The following GALNTL6 variants were observed in gnomAD, a reference collection of about 807,000 sequenced individuals.
GALNTL6 encodes polypeptide N-acetylgalactosaminyltransferase like 6.
Under a neutral mutation model 73.7 loss-of-function variants are expected in GALNTL6, and 46 were observed. The ratio of observed to expected loss-of-function variants is 0.62; its 90% CI spans 0.49 to 0.80. The LOEUF (loss-of-function observed/expected upper bound fraction) is 0.80. Among genes scored for constraint, GALNTL6 ranks in the 30% least tolerant of loss-of-function variants. GALNTL6 has a pLI of 0.00. For synonymous variants in GALNTL6, 259 were observed against 263.7 expected, an observed-to-expected ratio of 0.98 and a Z score of 0.17; for missense variants, 604 against 755.0, an observed-to-expected ratio of 0.80 and a Z score of 2.34.
In GALNTL6 at chr4:172,265,367, C is replaced by G. The variant is rs370835618; in HGVS notation, c.247+35603C>G. On this transcript the variant is annotated intron_variant, in intron 3 of 12. Coordinates refer to ENST00000506823, the MANE Select transcript of GALNTL6 (RefSeq NM_001034845.3). ...AGAAGGGAGCCTTGTAATAACAACT[C>G]CAAGTTAGCTTCCAGCTTTCAAATT... 3.9e-5 allele frequency among the ~76,000 whole-genome samples: 6 copies of G among 152,152 alleles called. No homozygotes were observed. The East Asian group carries it at 1.2e-3, about 29-fold the overall frequency.
At chr4:172,993,433 T>C (rs1198261902) in intron 10 of GALNTL6, among the ~76,000 whole-genome samples, 1 of 152,242 alleles carries the variant, frequency 6.6e-6, no homozygotes, top group Non-Finnish European at 1.5e-5. Context: ...CAGCTCTAGC[T>C]ATATACCAAA....
At chr4:172,756,455 C>A (rs1737755513) in intron 5 of GALNTL6, among the ~76,000 whole-genome samples, 1 of 151,944 alleles carries the variant, frequency 6.6e-6, no homozygotes, top group Admixed American at 6.6e-5. Context: ...ACCAGCCTGA[C>A]CATTATGGTG....
At chr4:172,317,209 A>T (rs1194896706) in intron 4 of GALNTL6, among the ~76,000 whole-genome samples, 1 of 152,206 alleles carries the variant, frequency 6.6e-6, no homozygotes, top group African/African-American at 2.4e-5. Context: ...TCAGTGCCTT[A>T]TATTCTAAAT....
At chr4:171,957,063 T>G (rs1739073768) in intron 2 of GALNTL6, among the ~76,000 whole-genome samples, 1 of 152,174 alleles carries the variant, frequency 6.6e-6, no homozygotes, top group South Asian at 2.1e-4. Flanking sequence ...CGGGGAATGT[T>G]CTTTCTACTT....
intron 2 of GALNTL6, among the ~76,000 whole-genome samples, chr4:172,129,058 T>G (rs2111014046): frequency 6.6e-6 from 1 of 152,334 alleles, no homozygotes; most frequent in East Asian, 1.9e-4. Context: ...AGTTCACATT[T>G]CCAAAGGTGT....
At chr4:172,022,442 C>T (rs564344669) in intron 2 of GALNTL6, among the ~76,000 whole-genome samples, 96 of 152,000 alleles carry the variant, frequency 6.3e-4, no homozygotes, top group Non-Finnish European at 1.3e-3. Context: ...TGACCACATC[C>T]TGTCTTTTCC....
At chr4:172,998,265 T>C (rs1337499567) in intron 10 of GALNTL6, among the ~76,000 whole-genome samples, 1 of 152,220 alleles carries the variant, frequency 6.6e-6, no homozygotes, top group Non-Finnish European at 1.5e-5. Flanking sequence ...AATGGTGTGA[T>C]GGCTATGAGG....
intron 7 of GALNTL6, among the ~76,000 whole-genome samples, chr4:172,838,533 C>T (rs915189954): frequency 7.2e-5 from 11 of 152,200 alleles, no homozygotes; most frequent in Non-Finnish European, 1.3e-4. Flanking sequence ...TAACAAATTC[C>T]TTCTCTGTTT....
chr4:172,339,253 CACACCACACACACACACACACACA>C (rs1398561742), intron 4 of GALNTL6, among the ~76,000 whole-genome samples: 1 of 138,702 alleles, frequency 7.2e-6, no homozygotes, highest in African/African-American at 2.7e-5. Context: ...AACACACACA[CACACCACACACACACACACACACA>C]CACACACACA....
intron 7 of GALNTL6, among the ~76,000 whole-genome samples, chr4:172,828,886 A>G (rs190700485): frequency 2.2e-4 from 34 of 152,294 alleles, no homozygotes; most frequent in African/African-American, 7.7e-4. Context: ...AGTACTACAA[A>G]CTGAGAGGCT....
At chr4:172,848,980 A>G (rs1437635324) in intron 7 of GALNTL6, among the ~76,000 whole-genome samples, 2 of 152,150 alleles carry the variant, frequency 1.3e-5, no homozygotes, top group Non-Finnish European at 2.9e-5. Context: ...ATGGTCACTG[A>G]AAGTCTGCTT....
chr4:172,927,136 G>T (rs529939444), intron 8 of GALNTL6, among the ~76,000 whole-genome samples: 1 of 152,246 alleles, frequency 6.6e-6, no homozygotes, highest in African/African-American at 2.4e-5. Context: ...AATTACTCAG[G>T]CTCTGAGGGA....
chr4:171,854,347 G>A (rs1459486395), intron 2 of GALNTL6, among the ~76,000 whole-genome samples: 5 of 152,158 alleles, frequency 3.3e-5, no homozygotes, highest in South Asian at 4.1e-4. Context: ...GGGGATATAA[G>A]AATCAAGTGT....
intron 2 of GALNTL6, among the ~76,000 whole-genome samples, chr4:172,181,817 GC>G (rs1735254543): frequency 6.7e-6 from 1 of 149,998 alleles, no homozygotes; most frequent in African/African-American, 2.5e-5. Context: ...CTGGGTTCAT[GC>G]CATTCTCCTG....
intron 5 of GALNTL6, among the ~76,000 whole-genome samples, chr4:172,653,359 A>G (rs1740580870): frequency 6.6e-6 from 1 of 151,756 alleles, no homozygotes; most frequent in South Asian, 2.1e-4. Context: ...AGCTGGGATT[A>G]TAGGCTTATG....
Position 172,099,536 on chromosome 4 carries a change from G to T in GALNTL6, c.139-130120G>T, listed in dbSNP as rs140700619. ...CCAACAAAGACCAGAAATAATTGGA[G>T]GAAGAAACTACACGAGTTTCTGTCA... is the stretch of plus-strand genomic sequence containing the variant. On this transcript the variant is annotated intron_variant, in intron 2 of 12. Transcript: ENST00000506823. 4.4e-3 allele frequency among the ~76,000 whole-genome samples: 662 copies of T among 152,178 alleles called. 4 individuals carry two copies. Among genetic ancestry groups the T allele is most frequent in the Non-Finnish European group, 7.4e-3 (501 of 67,992 alleles).
chr4:172,536,235 C>A (rs1035949501), intron 5 of GALNTL6, among the ~76,000 whole-genome samples: 1 of 152,120 alleles, frequency 6.6e-6, no homozygotes, highest in Non-Finnish European at 1.5e-5. Context: ...GTTCTTATAG[C>A]AGCATGAGAA....
intron 2 of GALNTL6, among the ~76,000 whole-genome samples, chr4:172,056,086 A>G (rs992751312): frequency 1.3e-5 from 2 of 152,220 alleles, no homozygotes; most frequent in Admixed American, 1.3e-4. Context: ...CCTATAAACA[A>G]AATGTGTTTT....
chr4:172,955,185 A>G (rs771571776), intron 10 of GALNTL6, among the ~76,000 whole-genome samples: 1 of 152,230 alleles, frequency 6.6e-6, no homozygotes, highest in Non-Finnish European at 1.5e-5. Flanking sequence ...TAATATTTTT[A>G]AGAGTGGCTA....
Sources: gnomAD v4.1 joint callset for allele counts (sites outside exome capture counted in the v4.1 genomes callset) on GRCh38, gnomAD v4.1.1 for gene constraint, MANE v1.5 for transcripts, NCBI Gene and HGNC (gene_info 2026-07-23, HGNC 2026-07-21) for gene names.